Variants in DDT observed in about 807,000 individuals in gnomAD.
DDT encodes D-dopachrome tautomerase.
DDT carries 4 observed loss-of-function variants against 2.5 expected under a neutral mutation model. That is an observed-to-expected ratio of 1.59 (90% CI 0.78 to 3.63). The LOEUF (loss-of-function observed/expected upper bound fraction) is 3.63. Ranked by LOEUF, DDT falls within the 30% of genes most tolerant of loss-of-function variation. DDT has a pLI of 0.01. For missense variants in DDT, 32 were observed against 30.0 expected (o/e 1.07, Z -0.15); for synonymous variants, 11 against 10.0 (o/e 1.10, Z -0.19).
intron 2 of DDT, chr22:23,971,901 C>A (rs2033912624): frequency 5.1e-6 from 2 of 394,344 alleles, no homozygotes; most frequent in African/African-American, 2.0e-5. Flanking sequence ...TCATCTCCAT[C>A]AGTTTGTGTA....
chr22:23,972,609 T>G (rs1225762480), intron 2 of DDT: 2 of 1,035,942 alleles, frequency 1.9e-6, no homozygotes, highest in East Asian at 8.6e-5. Context: ...TCCATGGTTG[T>G]TTGAATCAAC....
intron 2 of DDT, 56 bp from the exon 3 acceptor site, chr22:23,971,679 C>T (rs79966373): frequency 2.0e-6 from 3 of 1,526,832 alleles, no homozygotes; most frequent in African/African-American, 2.7e-5. Flanking sequence ...CCACATCTTG[C>T]AAGACCCCTG....
upstream of DDT, among the ~76,000 whole-genome samples, chr22:23,975,407 AT>A (rs886719534): frequency 0.025 from 3,745 of 149,724 alleles, 146 homozygotes; most frequent in African/African-American, 0.086. Flanking sequence ...ATCAGAAAAC[AT>A]GGAACTCTGT....
At chr22:23,972,082 G>A in intron 2 of DDT, 1 of 787,118 alleles carries the variant, frequency 1.3e-6, no homozygotes, top group Non-Finnish European at 1.5e-6. Context: ...AGTTTCCAGT[G>A]AGGAAAACCA....
chr22:23,972,564 T>C lies in DDT; in HGVS notation c.285-941A>G, dbSNP rs1288901876. 4 of 1,050,846 alleles carry C rather than the reference T, an allele frequency of 3.8e-6. No individual in the cohort carries two copies. The African/African-American group carries it at 6.8e-5, about 18-fold the overall frequency. 65.1% of individuals were successfully genotyped at this position (1,050,846 alleles called of 1,614,324 possible). On this transcript the variant is annotated intron_variant, in intron 2 of 2. Coordinates refer to ENST00000398344, the MANE Select transcript of DDT (RefSeq NM_001084392.3). ...AGTCTATACGTATTTTCAGTATAGA[T>C]GCAATTATCAATTTTTTTTCCTCTA... is the stretch of plus-strand genomic sequence containing the variant.
rs974046372 is a variant in DDT at position 23,972,122 on chromosome 22, G to A, written c.285-499C>T. The A allele has an allele frequency of 8.8e-5, 85 of 969,956 alleles. No individual in the cohort carries two copies. In the Middle Eastern group the frequency reaches 1.6e-3, roughly 18 times the overall value. The allele number at this position is 969,956 out of a possible 1,614,324, so 60.1% of individuals were successfully genotyped here. Reference sequence around the variant, plus strand: ...TTGGGACAGCCTGGTTGGGGCGGGCGGGAGTATGAACAGCCTGTCTTCTCA... The same window carrying A: ...TTGGGACAGCCTGGTTGGGGCGGGCAGGAGTATGAACAGCCTGTCTTCTCA... On this transcript the variant is annotated intron_variant, in intron 2 of 2. Transcript: ENST00000398344.
intron 2 of DDT, chr22:23,972,850 T>G (rs1162031354): frequency 9.1e-6 from 1 of 110,432 alleles, no homozygotes; most frequent in African/African-American, 4.2e-5. Context: ...TCCTCCCACT[T>G]CAGCCTGCCA....
intron 2 of DDT, 176 bp from the exon 3 acceptor site, chr22:23,971,799 G>A (rs2033909834): frequency 1.6e-6 from 1 of 628,182 alleles, no homozygotes; most frequent in Non-Finnish European, 2.8e-6. Context: ...CAGGGCAGTG[G>A]GACACTCAGG....
chr22:23,971,634 CAG>C lies in DDT; in HGVS notation c.285-13_285-12del, dbSNP rs772236874. The C allele has an allele frequency of 3.7e-6, 6 of 1,601,698 alleles. No individual in the cohort carries two copies. The Admixed American group carries it at 5.0e-5, about 13-fold the overall frequency. On this transcript the variant is annotated splice_polypyrimidine_tract_variant and intron_variant, in intron 2 of 2. Coordinates refer to ENST00000398344, the MANE Select transcript of DDT (RefSeq NM_001084392.3). ...AAGCGGATAAGTATCCTTCAGGAGA[CAG>C]AGAAAAAGATATCATCAGCTCCTTG...
intron 2 of DDT, chr22:23,972,569 T>C (rs1957558844): frequency 9.5e-7 from 1 of 1,051,168 alleles, no homozygotes; most frequent in African/African-American, 1.7e-5. Flanking sequence ...ATAGATGCAA[T>C]TATCAATTTT....
At chr22:23,974,908 CA>C (rs1227034646), upstream of DDT, among the ~76,000 whole-genome samples, 3 of 91,466 alleles carry the variant, frequency 3.3e-5, no homozygotes, top group African/African-American at 1.1e-4. Context: ...CGAAGTCAGG[CA>C]ATTTCATGTT....
At chr22:23,971,794 C>T in intron 2 of DDT, 171 bp from the exon 3 acceptor site, 2 of 634,920 alleles carry the variant, frequency 3.1e-6, no homozygotes, top group Non-Finnish European at 5.4e-6. Context: ...CCCAGCAGGG[C>T]AGTGGGACAC....
chr22:23,972,316 A>G (rs994820431), intron 2 of DDT: 4 of 760,490 alleles, frequency 5.3e-6, no homozygotes, highest in Admixed American at 6.4e-5. Flanking sequence ...TTAGAGTAAC[A>G]GTTTTCCCTG....
At chr22:23,971,845 A>T in intron 2 of DDT, 1 of 571,004 alleles carries the variant, frequency 1.8e-6, no homozygotes. Context: ...CCCAGCTAGG[A>T]CAGACACACA....
In DDT at chr22:23,971,480, C is replaced by G. The variant is rs2033900658; in HGVS notation, c.*71G>C. 3.1e-6 allele frequency: 5 copies of G among 1,608,194 alleles called. No individual in the cohort carries two copies. The East Asian group carries it at 1.1e-4, about 36-fold the overall frequency. On this transcript the variant is annotated 3_prime_UTR_variant, in exon 3 of 3. Transcript: ENST00000398344. ...ATCCAAAGCTGGTTATCTCCAGGCCCTCACTCTGCCAAGAGATCTCTCTGG... is the reference window on the plus strand; with the variant it reads ...ATCCAAAGCTGGTTATCTCCAGGCCGTCACTCTGCCAAGAGATCTCTCTGG...
Position 23,971,600 on chromosome 22 carries a change from A to C in DDT, c.308T>G (p.Leu103Trp), listed in dbSNP as rs865945530. The change falls in exon 3 of 3, where the codon TTG (leucine) becomes TGG (tryptophan). Residue 103 changes from leucine (L) to tryptophan (W), a missense_variant. Physicochemically the swap from Leu to Trp is moderately conservative, Grantham distance 61. Coordinates refer to ENST00000398344, the MANE Select transcript of DDT (RefSeq NM_001084392.3). ...TATCTTGCCAATCTGCCAGGACTCC[A>C]AGGGGAAAAAGCGGATAAGTATCCT... ...QDRILIRFFP[L>W]ESWQIGKIGT... The C allele has an allele frequency of 1.9e-6, 3 of 1,614,068 alleles. No homozygotes were observed. The highest frequency in any genetic ancestry group is 2.5e-6 in the Non-Finnish European group (3 of 1,180,016).
chr22:23,971,634 C>A lies in DDT; in HGVS notation c.285-11G>T. 6.2e-7 allele frequency: 1 copy of A among 1,601,784 alleles called. No individual in the cohort carries two copies. Among genetic ancestry groups the A allele is most frequent in the Non-Finnish European group, 8.6e-7 (1 of 1,169,576 alleles). On this transcript the variant is annotated splice_polypyrimidine_tract_variant and intron_variant, in intron 2 of 2. Transcript: ENST00000398344. ...AAGCGGATAAGTATCCTTCAGGAGA[C>A]AGAGAAAAAGATATCATCAGCTCCT... is the stretch of plus-strand genomic sequence containing the variant.
intron 2 of DDT, chr22:23,972,603 T>C (rs1222862259): frequency 3.8e-6 from 4 of 1,040,096 alleles, no homozygotes; most frequent in African/African-American, 1.7e-5. Flanking sequence ...TTTCAATCCA[T>C]GGTTGTTTGA....
intron 2 of DDT, 88 bp from the exon 3 acceptor site, chr22:23,971,711 A>G (rs1394755674): frequency 8.2e-7 from 1 of 1,223,356 alleles, no homozygotes; most frequent in African/African-American, 1.5e-5. Flanking sequence ...CACTGTGGGT[A>G]CTCAGGACAG....
Sources: allele counts gnomAD v4.1 joint callset (sites outside exome capture counted in the v4.1 genomes callset), GRCh38; gene constraint gnomAD v4.1.1; transcripts MANE v1.5; gene names NCBI Gene and HGNC (gene_info 2026-07-23, HGNC 2026-07-21).